Variants in GATB observed in about 807,000 individuals in gnomAD.
GATB encodes the protein glutamyl-tRNA(Gln) amidotransferase subunit B, mitochondrial.
A neutral mutation model predicts 62.3 loss-of-function variants in GATB; 39 were observed. The ratio of observed to expected loss-of-function variants is 0.63; its 90% CI spans 0.48 to 0.82. The LOEUF (loss-of-function observed/expected upper bound fraction) is 0.82, where lower values mean the gene tolerates loss of function less well. Among genes scored for constraint, GATB ranks in the 40% least tolerant of loss-of-function variants. The pLI, the probability that GATB is intolerant of heterozygous loss-of-function variation, is 0.00. For synonymous variants in GATB, 276 were observed against 258.9 expected (o/e 1.07, Z -0.63); for missense variants, 670 against 684.0 (o/e 0.98, Z 0.23).
rs546986703 is a variant in GATB at position 151,730,277 on chromosome 4, C to G, written c.328-10739G>C. 1.5e-3 allele frequency among the ~76,000 whole-genome samples: 228 copies of G among 152,292 alleles called. No individual in the cohort carries two copies. The highest frequency in any genetic ancestry group is 4.9e-3 in the African/African-American group (204 of 41,568). Reference sequence around the variant, plus strand: ...CCACAGCAGCCGCAGCAAGACCCGCCCAAGGAGAGTCTGAGCTCAGACATG... The same window carrying G: ...CCACAGCAGCCGCAGCAAGACCCGCGCAAGGAGAGTCTGAGCTCAGACATG... On this transcript the variant is annotated intron_variant, in intron 2 of 12. Coordinates refer to ENST00000263985, the MANE Select transcript of GATB (RefSeq NM_004564.3). The surrounding 1 kb of genome is among the most constrained non-coding windows in gnomAD (Gnocchi z 4.1).
chr4:151,754,956 C>T (rs536680645), intron 2 of GATB, among the ~76,000 whole-genome samples: 3 of 152,268 alleles, frequency 2.0e-5, no homozygotes, highest in Admixed American at 6.5e-5. Flanking sequence ...TCACTGGCAA[C>T]GTAACTGTGC....
chr4:151,687,196 A>T (rs1346885886), intron 10 of GATB: 1 of 152,282 alleles, frequency 6.6e-6, no homozygotes, highest in African/African-American at 2.4e-5. Context: ...ATAACTCTCA[A>T]CTGCAAACCT....
chr4:151,686,646 C>CGCCCT (rs1738252477), intron 10 of GATB, among the ~76,000 whole-genome samples: 7 of 72,776 alleles, frequency 9.6e-5, no homozygotes, highest in Non-Finnish European at 1.7e-4. Flanking sequence ...CACCAGTCCC[C>CGCCCT]GCCCCGCCCC....
In GATB at chr4:151,708,339, C is replaced by T. The variant is rs968643518; in HGVS notation, c.764-238G>A. ...GTGTGCCTGTACATGTGAACATATA[C>T]AGATGTGTGTGCTTATGCACATATG... On this transcript the variant is annotated intron_variant, in intron 5 of 12. Coordinates refer to ENST00000263985, the MANE Select transcript of GATB (RefSeq NM_004564.3). Among the ~76,000 whole-genome samples, 3 of 152,218 alleles carry T rather than the reference C, an allele frequency of 2.0e-5. 1 individual carries two copies. The highest frequency in any genetic ancestry group is 4.4e-5 in the Non-Finnish European group (3 of 68,038).
At chr4:151,739,807 G>GACAAGT (rs1739448975) in intron 2 of GATB, among the ~76,000 whole-genome samples, 1 of 152,206 alleles carries the variant, frequency 6.6e-6, no homozygotes, top group African/African-American at 2.4e-5. Flanking sequence ...TTTGGGAAAT[G>GACAAGT]GAACCACATG....
intron 8 of GATB, chr4:151,703,198 C>G (rs1332604049): frequency 6.6e-6 from 1 of 152,292 alleles, no homozygotes; most frequent in Non-Finnish European, 1.5e-5. Flanking sequence ...CATAAACATG[C>G]AAATTTTGAT....
chr4:151,717,227 G>A (rs981088981), intron 3 of GATB, 153 bp from the exon 4 acceptor site: 21 of 680,534 alleles, frequency 3.1e-5, no homozygotes, highest in Non-Finnish European at 4.7e-5. Flanking sequence ...ATTAGTTGCT[G>A]CATTGCAGCC....
chr4:151,697,276 T>C (rs1738488150), intron 9 of GATB, among the ~76,000 whole-genome samples: 1 of 152,230 alleles, frequency 6.6e-6, no homozygotes, highest in African/African-American at 2.4e-5. Flanking sequence ...GTGGTATATC[T>C]ACACAATGAA....
chr4:151,738,510 T>C (rs1489765372), intron 2 of GATB, among the ~76,000 whole-genome samples: 1 of 152,196 alleles, frequency 6.6e-6, no homozygotes, highest in African/African-American at 2.4e-5. Flanking sequence ...TCCAATAAAC[T>C]TCTTTCTTTT....
chr4:151,695,333 C>T (rs1379681545), intron 9 of GATB, among the ~76,000 whole-genome samples: 1 of 152,142 alleles, frequency 6.6e-6, no homozygotes, highest in Non-Finnish European at 1.5e-5. Flanking sequence ...GGGAGGGAAA[C>T]AGCTCTGGTT....
At position 151,676,062 on chromosome 4, in the gene GATB, G is replaced by A. The variant is rs577378871; in HGVS notation, c.1411-3166C>T. The A allele has an allele frequency of 2.0e-5, 3 of 152,334 alleles. No homozygotes were observed. The South Asian group carries it at 6.2e-4, about 32-fold the overall frequency. 9.4% of individuals were successfully genotyped at this position (152,334 alleles called of 1,614,324 possible). A position where few individuals can be genotyped will look rare whatever the true frequency, so the allele number is the denominator to read the frequency against. ...TGGAGGGAGCTGTCACAGTTACAGA[G>A]AAGGGAGCCCCCTTTTTGGTCAAAG... On this transcript the variant is annotated intron_variant, in intron 11 of 12. Transcript: ENST00000263985.
chr4:151,735,968 G>A (rs1006164095), intron 2 of GATB, among the ~76,000 whole-genome samples: 2 of 151,284 alleles, frequency 1.3e-5, no homozygotes, highest in African/African-American at 2.4e-5. Context: ...AACCACCACC[G>A]AAGAACTTAT....
At chr4:151,706,176 C>G (rs775852363) in intron 6 of GATB, among the ~76,000 whole-genome samples, 1 of 152,208 alleles carries the variant, frequency 6.6e-6, no homozygotes, top group African/African-American at 2.4e-5. Flanking sequence ...AATGGCCTGA[C>G]ATAGGGAGAA....
chr4:151,689,695 G>A (rs375106013), intron 9 of GATB, among the ~76,000 whole-genome samples: 7 of 152,052 alleles, frequency 4.6e-5, no homozygotes, highest in South Asian at 4.2e-4. Flanking sequence ...ATCAGCAGAC[G>A]GAATTGGTGT....
intron 9 of GATB, among the ~76,000 whole-genome samples, chr4:151,697,971 A>ATATATATATGTG (rs1560847768): frequency 6.7e-5 from 6 of 89,376 alleles, no homozygotes; most frequent in African/African-American, 3.3e-4. Context: ...ATATATATAT[A>ATATATATATGTG]TATATATATA....
At chr4:151,699,207 G>A (rs1738550400) in intron 9 of GATB, among the ~76,000 whole-genome samples, 1 of 151,996 alleles carries the variant, frequency 6.6e-6, no homozygotes, top group Non-Finnish European at 1.5e-5. Flanking sequence ...GGCCAACATG[G>A]CAAAACCCTG....
At chr4:151,719,340 C>G in intron 3 of GATB, 85 bp downstream of exon 3, 3 of 931,634 alleles carry the variant, frequency 3.2e-6, no homozygotes, top group Non-Finnish European at 5.2e-6. Flanking sequence ...AGAGGCACAG[C>G]CCCTTTCCCT....
intron 9 of GATB, among the ~76,000 whole-genome samples, chr4:151,697,973 A>ATATATATATGTGTATG (rs1738518973): frequency 1.0e-5 from 1 of 100,468 alleles, no homozygotes; most frequent in African/African-American, 4.4e-5. Flanking sequence ...ATATATATAT[A>ATATATATATGTGTATG]TATATATATA....
At chr4:151,687,675 G>A (rs1351040138) in intron 10 of GATB, among the ~76,000 whole-genome samples, 1 of 152,170 alleles carries the variant, frequency 6.6e-6, no homozygotes, top group Non-Finnish European at 1.5e-5. Context: ...AAGAGGTCAC[G>A]AGGGTGTGGT....
Sources: allele counts gnomAD v4.1 joint callset (sites outside exome capture counted in the v4.1 genomes callset), GRCh38; gene constraint gnomAD v4.1.1; non-coding constraint Gnocchi (gnomAD v3.1); transcripts MANE v1.5; gene names NCBI Gene and HGNC (gene_info 2026-07-23, HGNC 2026-07-21).